Variants in CRIM1 observed in about 807,000 individuals in gnomAD.
The protein encoded by CRIM1 is cysteine-rich motor neuron 1 protein.
Under a neutral mutation model 116.4 loss-of-function variants are expected in CRIM1, and 32 were observed. That is an observed-to-expected ratio of 0.27 (90% CI 0.21 to 0.37). CRIM1 has a LOEUF of 0.37. Among genes scored for constraint, CRIM1 ranks in the 10% least tolerant of loss-of-function variants. The pLI is 1.00. For synonymous variants in CRIM1, 590 were observed against 509.2 expected (o/e 1.16, Z -2.13); for missense variants, 1,331 against 1,354.8 (o/e 0.98, Z 0.28).
At chr2:36,526,021 A>G (rs556258897) in intron 13 of CRIM1, among the ~76,000 whole-genome samples, 2 of 152,204 alleles carry the variant, frequency 1.3e-5, no homozygotes, top group Non-Finnish European at 2.9e-5. Context: ...TAGGATATGT[A>G]ATATAGACAT....
intron 3 of CRIM1, 126 bp from the exon 4 acceptor site, chr2:36,442,489 C>A: frequency 1.8e-6 from 2 of 1,083,288 alleles, no homozygotes; most frequent in Non-Finnish European, 2.8e-6. Flanking sequence ...AACATGTCGA[C>A]ACTAGGACTG....
At chr2:36,381,748 C>T (rs754895230) in intron 1 of CRIM1, among the ~76,000 whole-genome samples, 2 of 152,216 alleles carry the variant, frequency 1.3e-5, no homozygotes, top group African/African-American at 4.8e-5. Flanking sequence ...GATTACGCTA[C>T]TGTACTCCAG....
At position 36,356,349 on chromosome 2, in the gene CRIM1, G is replaced by T; in HGVS notation, c.57G>T (p.Ser19=). 1.3e-6 allele frequency: 2 copies of T among 1,590,132 alleles called. No individual in the cohort carries two copies. Among genetic ancestry groups the T allele is most frequent in the Non-Finnish European group, 1.7e-6 (2 of 1,170,858 alleles). Residue 19 remains serine, a synonymous_variant, in exon 1 of 17, where the codon TCG becomes TCT. Coordinates refer to ENST00000280527, the MANE Select transcript of CRIM1 (RefSeq NM_016441.3). This position sits in a 1 kb window ranked among gnomAD's most constrained non-coding sequence, Gnocchi z 4.3. ...GLAGCGHLLV[S]LLGLLLLLAR... is the part of the protein sequence containing the mutation. ...CCGGCTGCGGGCACCTCCTGGTCTC[G>T]CTGCTGGGGCTGCTGCTGCTGCTGG... is the stretch of plus-strand genomic sequence containing the variant.
intron 2 of CRIM1, among the ~76,000 whole-genome samples, chr2:36,432,231 A>G (rs997977654): frequency 1.3e-5 from 2 of 152,202 alleles, no homozygotes; most frequent in Non-Finnish European, 2.9e-5. Context: ...ACTGTAGTTT[A>G]TTAGGTAAAA....
chr2:36,437,411 A>G (rs1392511805), intron 2 of CRIM1, among the ~76,000 whole-genome samples: 1 of 146,140 alleles, frequency 6.8e-6, no homozygotes, highest in Non-Finnish European at 1.5e-5. Flanking sequence ...TGAAACTAAA[A>G]TTGGATAAGG....
intron 7 of CRIM1, among the ~76,000 whole-genome samples, chr2:36,488,104 T>C (rs2125063733): frequency 6.6e-6 from 1 of 152,346 alleles, no homozygotes; most frequent in Admixed American, 6.5e-5. Context: ...TTCACATTGC[T>C]TAATATATGA....
At chr2:36,497,757 T>TA (rs761431707) in intron 7 of CRIM1, among the ~76,000 whole-genome samples, 9 of 152,250 alleles carry the variant, frequency 5.9e-5, no homozygotes, top group Non-Finnish European at 1.3e-4. Flanking sequence ...ATCTCTTTAG[T>TA]AAGTCATCGT....
At chr2:36,381,311 C>T (rs1029265461) in intron 1 of CRIM1, among the ~76,000 whole-genome samples, 6 of 152,194 alleles carry the variant, frequency 3.9e-5, no homozygotes. Flanking sequence ...AGCGCGGCCC[C>T]ACAGGCAGCT....
chr2:36,484,188 G>C (rs137998698), intron 7 of CRIM1, among the ~76,000 whole-genome samples: 399 of 152,322 alleles, frequency 2.6e-3, no homozygotes, highest in African/African-American at 8.8e-3. Flanking sequence ...GGGCTTCCCA[G>C]ACCCTCTAAG....
At chr2:36,499,444 C>T in intron 8 of CRIM1, 97 bp downstream of exon 8, 1 of 1,295,056 alleles carries the variant, frequency 7.7e-7, no homozygotes, top group Non-Finnish European at 1.1e-6. Flanking sequence ...TCTGTTCAGA[C>T]ATTCCCTTGA....
At chr2:36,408,804 T>C (rs4670555) in intron 2 of CRIM1, among the ~76,000 whole-genome samples, 83,354 of 151,644 alleles carry the variant, frequency 0.55, 22,977 homozygotes, top group South Asian at 0.61. Flanking sequence ...AAAAAAAAAG[T>C]CTGTGCAAGG....
intron 1 of CRIM1, among the ~76,000 whole-genome samples, chr2:36,395,146 C>G (rs781537577): frequency 2.0e-5 from 3 of 151,256 alleles, no homozygotes; most frequent in Non-Finnish European, 4.4e-5. Flanking sequence ...TCCTGAGTAA[C>G]TGGGACCACA....
chr2:36,532,454 T>C (rs1394329556), intron 13 of CRIM1, among the ~76,000 whole-genome samples: 1 of 152,206 alleles, frequency 6.6e-6, no homozygotes, highest in Non-Finnish European at 1.5e-5. Context: ...GAATCCTAAA[T>C]TACCTAAATA....
At chr2:36,485,224 A>C (rs142844854) in intron 7 of CRIM1, among the ~76,000 whole-genome samples, 1 of 152,128 alleles carries the variant, frequency 6.6e-6, no homozygotes, top group East Asian at 1.9e-4. Flanking sequence ...CAAAAAATCC[A>C]CTATCTTTCT....
intron 13 of CRIM1, among the ~76,000 whole-genome samples, chr2:36,537,127 G>C (rs150476974): frequency 6.6e-6 from 1 of 152,118 alleles, no homozygotes; most frequent in Admixed American, 6.5e-5. Flanking sequence ...ATTCCCTGCC[G>C]GTTGTGGTAG....
At chr2:36,390,544 A>G (rs1671495980) in intron 1 of CRIM1, among the ~76,000 whole-genome samples, 2 of 152,074 alleles carry the variant, frequency 1.3e-5, no homozygotes, top group South Asian at 4.2e-4. Flanking sequence ...CATAACATCC[A>G]GTAGTTTCTT....
chr2:36,384,866 A>G (rs1378295819), intron 1 of CRIM1, among the ~76,000 whole-genome samples: 1 of 152,322 alleles, frequency 6.6e-6, no homozygotes, highest in African/African-American at 2.4e-5. Context: ...CTAAACATAC[A>G]CTAACCATGT....
intron 11 of CRIM1, 61 bp from the exon 12 acceptor site, chr2:36,517,266 C>T: frequency 1.5e-6 from 2 of 1,375,954 alleles, no homozygotes; most frequent in Non-Finnish European, 2.1e-6. Flanking sequence ...CAGCACCAGG[C>T]TTTCAAGAGT....
Position 36,541,743 on chromosome 2 carries a change from G to T in CRIM1, c.2624-2633G>T, listed in dbSNP as rs181598066. 8.5e-5 allele frequency among the ~76,000 whole-genome samples: 13 copies of T among 152,258 alleles called. No individual in the cohort carries two copies. The East Asian group carries it at 2.5e-3, about 29-fold the overall frequency. ...GTGACCGTGTGCCCGTGATCTTCGT[G>T]GTAGGGCTGGATGTAGCTTTGTGTA... On this transcript the variant is annotated intron_variant, in intron 14 of 16. Coordinates refer to ENST00000280527, the MANE Select transcript of CRIM1 (RefSeq NM_016441.3).
Sources: gnomAD v4.1 joint callset for allele counts (sites outside exome capture counted in the v4.1 genomes callset) on GRCh38, gnomAD v4.1.1 for gene constraint, Gnocchi (gnomAD v3.1) non-coding constraint, MANE v1.5 for transcripts, NCBI Gene and HGNC (gene_info 2026-07-23, HGNC 2026-07-21) for gene names.